RAB3C: variants seen among roughly 807,000 people sequenced by gnomAD.
RAB3C encodes RAB3C, member RAS oncogene family, also known as ras-related protein Rab-3C.
In RAB3C, 17 loss-of-function variants were observed where a neutral mutation model predicts 26.4. That is an observed-to-expected ratio of 0.64 (90% CI 0.44 to 0.97). The LOEUF (loss-of-function observed/expected upper bound fraction) is 0.97. Among genes scored for constraint, RAB3C ranks in the 50% least tolerant of loss-of-function variants. RAB3C has a pLI of 0.00. For synonymous variants in RAB3C, 91 were observed against 95.9 expected (o/e 0.95, Z 0.30); for missense variants, 242 against 281.9 (o/e 0.86, Z 1.01).
chr5:58,798,968 G>A (rs1742740262), intron 3 of RAB3C, among the ~76,000 whole-genome samples: 1 of 152,194 alleles, frequency 6.6e-6, no homozygotes, highest in Admixed American at 6.5e-5. Context: ...TAAACTGAAA[G>A]ACTGCTGAGA....
At chr5:58,587,864 AGAGTGACTTAACCATAG>A (rs1277400033) in intron 1 of RAB3C, among the ~76,000 whole-genome samples, 1 of 152,158 alleles carries the variant, frequency 6.6e-6, no homozygotes, top group Non-Finnish European at 1.5e-5. Context: ...TCAGCCCTGC[AGAGTGACTTAACCATAG>A]GAGTTTGATT....
intron 3 of RAB3C, among the ~76,000 whole-genome samples, chr5:58,785,517 C>T (rs1220368829): frequency 2.6e-5 from 4 of 152,164 alleles, no homozygotes; most frequent in Non-Finnish European, 4.4e-5. Context: ...GAATCAATCA[C>T]CTAAGGATCT....
chr5:58,592,831 G>C (rs1419259386), intron 1 of RAB3C, among the ~76,000 whole-genome samples: 1 of 151,858 alleles, frequency 6.6e-6, no homozygotes, highest in Non-Finnish European at 1.5e-5. Flanking sequence ...CTGTTTTCAA[G>C]ATTTTCTGTT....
At chr5:58,642,846 A>G (rs1280016834) in intron 2 of RAB3C, among the ~76,000 whole-genome samples, 1 of 152,220 alleles carries the variant, frequency 6.6e-6, no homozygotes, top group Non-Finnish European at 1.5e-5. Context: ...GAACTATTTT[A>G]TGTAAAGTAA....
chr5:58,662,282 G>A (rs1213549922), intron 2 of RAB3C, among the ~76,000 whole-genome samples: 1 of 150,066 alleles, frequency 6.7e-6, no homozygotes, highest in Non-Finnish European at 1.5e-5. Flanking sequence ...CAGGAAAGGA[G>A]GCGGCAGAAA....
intron 2 of RAB3C, among the ~76,000 whole-genome samples, chr5:58,681,902 A>G (rs1748351137): frequency 6.6e-6 from 1 of 152,210 alleles, no homozygotes. Flanking sequence ...AGCTGAGATA[A>G]TGCTGGAAGA....
chr5:58,645,520 T>C (rs1249917563), intron 2 of RAB3C, among the ~76,000 whole-genome samples: 4 of 152,198 alleles, frequency 2.6e-5, no homozygotes, highest in Non-Finnish European at 4.4e-5. Context: ...TTCATCCACC[T>C]ACCCACCTAC....
chr5:58,659,493 C>G (rs565234066), intron 2 of RAB3C, among the ~76,000 whole-genome samples: 1 of 152,288 alleles, frequency 6.6e-6, no homozygotes, highest in African/African-American at 2.4e-5. Context: ...TTATATCACT[C>G]ATTTGCCAAT....
chr5:58,731,578 C>T (rs1470243096), intron 3 of RAB3C, among the ~76,000 whole-genome samples: 1 of 152,048 alleles, frequency 6.6e-6, no homozygotes, highest in African/African-American at 2.4e-5. Flanking sequence ...GAAAAGGGAG[C>T]ATCAGGGAAG....
intron 3 of RAB3C, among the ~76,000 whole-genome samples, chr5:58,758,204 G>A (rs1433966698): frequency 6.6e-5 from 10 of 152,156 alleles, no homozygotes; most frequent in East Asian, 5.8e-4. Context: ...TCAGCCTCCC[G>A]AAGTGCTGGG....
chr5:58,853,935 G>A lies in RAB3C; in HGVS notation c.*2584G>A, dbSNP rs1446557401. ...TTTAACATCAAATTTGGCAAATGGT[G>A]GGACCAACCCAAGGTTAACTAAGTG... On this transcript the variant is annotated 3_prime_UTR_variant, in exon 5 of 5. Coordinates refer to ENST00000282878, the MANE Select transcript of RAB3C (RefSeq NM_138453.4). The A allele has an allele frequency of 6.6e-6, 1 of 151,958 alleles. No individual in the cohort carries two copies. The highest frequency in any genetic ancestry group is 1.5e-5 in the Non-Finnish European group (1 of 68,004). The allele number at this position is 151,958 out of a possible 1,614,324, so 9.4% of individuals were successfully genotyped here. A position where few individuals can be genotyped will look rare whatever the true frequency, so the allele number is the denominator to read the frequency against.
intron 3 of RAB3C, among the ~76,000 whole-genome samples, chr5:58,735,013 A>C (rs1184662808): frequency 1.3e-5 from 2 of 152,192 alleles, no homozygotes; most frequent in Non-Finnish European, 2.9e-5. Context: ...CAGTTGATTC[A>C]TTAACATTGA....
chr5:58,737,441 A>T (rs1741173832), intron 3 of RAB3C, among the ~76,000 whole-genome samples: 1 of 51,446 alleles, frequency 1.9e-5, no homozygotes, highest in Non-Finnish European at 3.6e-5. Context: ...ATATATATAT[A>T]TATATATAAT....
intron 1 of RAB3C, among the ~76,000 whole-genome samples, chr5:58,601,477 AC>A (rs1173159310): frequency 6.6e-6 from 1 of 151,910 alleles, no homozygotes; most frequent in African/African-American, 2.4e-5. Context: ...CTGTTCCTGG[AC>A]TTTTTTATGT....
At chr5:58,675,804 A>G (rs1473042788) in intron 2 of RAB3C, among the ~76,000 whole-genome samples, 1 of 152,070 alleles carries the variant, frequency 6.6e-6, no homozygotes, top group Non-Finnish European at 1.5e-5. Context: ...TAAGCTTGCT[A>G]TGATTCTTCC....
intron 3 of RAB3C, among the ~76,000 whole-genome samples, chr5:58,736,604 A>G (rs781730112): frequency 4.6e-5 from 7 of 152,238 alleles, no homozygotes; most frequent in Admixed American, 6.5e-5. Context: ...AGTGCAGCCC[A>G]TTGAAAACAT....
chr5:58,802,404 C>A (rs1029319987), intron 3 of RAB3C, among the ~76,000 whole-genome samples: 2 of 152,186 alleles, frequency 1.3e-5, no homozygotes, highest in Non-Finnish European at 1.5e-5. Context: ...TCTGTGTGCA[C>A]ACTCCCAAAG....
chr5:58,636,980 T>C (rs1747302884), intron 2 of RAB3C, among the ~76,000 whole-genome samples: 1 of 152,188 alleles, frequency 6.6e-6, no homozygotes, highest in South Asian at 2.1e-4. Flanking sequence ...AAAGAAACTT[T>C]TAATAATAGG....
At chr5:58,847,525 T>C (rs2432064) in intron 4 of RAB3C, among the ~76,000 whole-genome samples, 88,479 of 151,994 alleles carry the variant, frequency 0.58, 25,994 homozygotes, top group Middle Eastern at 0.71. Context: ...GTAACAGCCA[T>C]AAAATCTGAG....
Sources: gnomAD v4.1 joint callset for allele counts (sites outside exome capture counted in the v4.1 genomes callset) on GRCh38, gnomAD v4.1.1 for gene constraint, MANE v1.5 for transcripts, NCBI Gene and HGNC (gene_info 2026-07-23, HGNC 2026-07-21) for gene names.